The following ZYG11A variants were observed in gnomAD, a reference collection of about 807,000 sequenced individuals.
ZYG11A encodes protein zyg-11 homolog A.
In ZYG11A, 62 loss-of-function variants were observed where a neutral mutation model predicts 77.2. The observed-to-expected ratio is 0.80, with a 90% CI of 0.65 to 0.99. The LOEUF (loss-of-function observed/expected upper bound fraction) is 0.99. Ranked by LOEUF, ZYG11A falls within the 50% of genes least tolerant of loss-of-function variation. The pLI is 0.00. For synonymous variants in ZYG11A, 315 were observed against 324.6 expected, an observed-to-expected ratio of 0.97 and a Z score of 0.32; for missense variants, 828 against 896.8, an observed-to-expected ratio of 0.92 and a Z score of 0.98.
At chr1:52,873,882 G>A (rs1301207475) in intron 8 of ZYG11A, among the ~76,000 whole-genome samples, 1 of 151,996 alleles carries the variant, frequency 6.6e-6, no homozygotes, top group Non-Finnish European at 1.5e-5. Context: ...TACTCGGGAG[G>A]CTGAGGCAGG....
In ZYG11A at chr1:52,864,062, C is replaced by T. The variant is rs539401032; in HGVS notation, c.1231C>T (p.Arg411Cys). The T allele has an allele frequency of 2.1e-5, 33 of 1,551,870 alleles. No homozygotes were observed. The East Asian group carries it at 3.4e-4, about 16-fold the overall frequency. Residue 411 changes from arginine (R) to cysteine (C), a missense_variant, in exon 5 of 14, where the codon CGC (arginine) becomes TGC (cysteine). Coordinates refer to ENST00000371528, the MANE Select transcript of ZYG11A (RefSeq NM_001004339.3). Reference protein sequence around the residue: ...TASACALNLTRQGLAKGMPVR... With the variant: ...TASACALNLTCQGLAKGMPVR... ...CAGTGCTTGCGCTCTCAACCTAACA[C>T]GCCAGGGCCTGGCCAAGGGGATGCC...
At chr1:52,863,869 G>C in intron 4 of ZYG11A, 112 bp from the exon 5 acceptor site, 1 of 969,936 alleles carries the variant, frequency 1.0e-6, no homozygotes. Context: ...TTAGGATAGG[G>C]AAAATCTGTT....
intron 4 of ZYG11A, 106 bp downstream of exon 4, chr1:52,860,977 T>G: frequency 1.8e-6 from 2 of 1,113,364 alleles, no homozygotes; most frequent in Non-Finnish European, 2.5e-6. Context: ...TATTCTATAG[T>G]GAGTCAAGTG....
At chr1:52,855,120 C>T (rs923904554) in intron 2 of ZYG11A, among the ~76,000 whole-genome samples, 2 of 151,906 alleles carry the variant, frequency 1.3e-5, no homozygotes, top group South Asian at 4.2e-4. Flanking sequence ...CCTTGGCTTC[C>T]CAAAGTGCTG....
chr1:52,845,467 T>C (rs1264428284), intron 1 of ZYG11A, among the ~76,000 whole-genome samples: 4 of 151,628 alleles, frequency 2.6e-5, no homozygotes, highest in African/African-American at 9.7e-5. Context: ...CACCATTTCC[T>C]GGCTAATTTT....
intron 8 of ZYG11A, among the ~76,000 whole-genome samples, chr1:52,871,810 G>GA (rs780293954): frequency 1.3e-5 from 2 of 152,128 alleles, no homozygotes; most frequent in African/African-American, 4.8e-5. Context: ...TGTTTCTGAG[G>GA]AAAAAAACCC....
At chr1:52,875,954 G>A (rs1487088347) in intron 8 of ZYG11A, among the ~76,000 whole-genome samples, 3 of 150,932 alleles carry the variant, frequency 2.0e-5, no homozygotes, top group Non-Finnish European at 2.9e-5. Context: ...CTCTGTATGT[G>A]CAGAAATTGA....
chr1:52,849,950 C>T (rs1645676592), intron 1 of ZYG11A, among the ~76,000 whole-genome samples: 2 of 152,148 alleles, frequency 1.3e-5, no homozygotes, highest in Non-Finnish European at 2.9e-5. Context: ...TCCTAAAGTG[C>T]TGGGATTACA....
At chr1:52,891,342 CTTA>C (rs1646539663) in intron 13 of ZYG11A, among the ~76,000 whole-genome samples, 1 of 149,534 alleles carries the variant, frequency 6.7e-6, no homozygotes, top group Non-Finnish European at 1.5e-5. Context: ...TTTATCTGAT[CTTA>C]TTATGTGTGT....
chr1:52,870,167 C>G (rs1203540303), intron 8 of ZYG11A, among the ~76,000 whole-genome samples: 4 of 124,514 alleles, frequency 3.2e-5, no homozygotes, highest in South Asian at 3.0e-4. Context: ...CAGAGACGCT[C>G]TTCACTTCCT....
chr1:52,880,075 T>TC (rs1195415779), intron 10 of ZYG11A, among the ~76,000 whole-genome samples: 1 of 149,404 alleles, frequency 6.7e-6, no homozygotes, highest in East Asian at 1.9e-4. Flanking sequence ...ACTTTTTTTT[T>TC]TTTTTTTTTT....
chr1:52,874,667 G>T (rs1646230869), intron 8 of ZYG11A, among the ~76,000 whole-genome samples: 1 of 152,090 alleles, frequency 6.6e-6, no homozygotes, highest in South Asian at 2.1e-4. Context: ...AGGAGTTTGA[G>T]ACCAGCCTGG....
intron 4 of ZYG11A, among the ~76,000 whole-genome samples, chr1:52,862,514 G>A (rs570156565): frequency 2.2e-4 from 34 of 151,548 alleles, no homozygotes; most frequent in Non-Finnish European, 4.0e-4. Flanking sequence ...GGGTTTCACC[G>A]TGTTAGCCAG....
intron 5 of ZYG11A, among the ~76,000 whole-genome samples, chr1:52,865,249 C>T (rs957417198): frequency 1.3e-5 from 2 of 151,930 alleles, no homozygotes; most frequent in African/African-American, 4.8e-5. Context: ...CTCCCTCCCC[C>T]ACAACACACA....
At position 52,867,582 on chromosome 1, in the gene ZYG11A, GA is replaced by G; in HGVS notation, c.1439del (p.Asn480ThrfsTer9). 6.4e-7 allele frequency: 1 copy of G among 1,552,330 alleles called. No individual in the cohort carries two copies. The highest frequency in any genetic ancestry group is 8.7e-7 in the Non-Finnish European group (1 of 1,147,130). On this transcript the variant is annotated frameshift_variant, in exon 7 of 14. Coordinates refer to ENST00000371528, the MANE Select transcript of ZYG11A (RefSeq NM_001004339.3). LOFTEE classifies it high-confidence loss of function. ...KFVMRWLCKH[E>X]NPKMQTMAVS... Reference sequence around the variant, plus strand: ...TGTCATGAGATGGCTCTGTAAGCATGAAAACCCCAAGATGCAAACAATGGCA... The same window carrying G: ...TGTCATGAGATGGCTCTGTAAGCATGAAACCCCAAGATGCAAACAATGGCA...
At chr1:52,872,831 C>T (rs547331549) in intron 8 of ZYG11A, among the ~76,000 whole-genome samples, 15 of 135,690 alleles carry the variant, frequency 1.1e-4, no homozygotes, top group South Asian at 2.3e-4. Flanking sequence ...TGCAGTGAGC[C>T]GAGATCAAGC....
intron 11 of ZYG11A, among the ~76,000 whole-genome samples, chr1:52,885,011 C>T (rs506527): frequency 0.5 from 76,518 of 151,852 alleles, 20,507 homozygotes; most frequent in Non-Finnish European, 0.61. Context: ...TGGCTTCAAG[C>T]GATTCTCCTG....
Position 52,867,586 on chromosome 1 carries a change from A to G in ZYG11A, c.1439A>G (p.Asn480Ser), listed in dbSNP as rs948969546. Residue 480 changes from asparagine to serine, a missense_variant, in exon 7 of 14, where the codon AAC becomes AGC. Physicochemically the swap from Asn to Ser is conservative, Grantham distance 46. Coordinates refer to ENST00000371528, the MANE Select transcript of ZYG11A (RefSeq NM_001004339.3). ...ATGAGATGGCTCTGTAAGCATGAAA[A>G]CCCCAAGATGCAAACAATGGCAGTG... ...FVMRWLCKHENPKMQTMAVSV... is the reference protein window; with the variant it reads ...FVMRWLCKHESPKMQTMAVSV... The G allele has an allele frequency of 5.5e-5, 86 of 1,551,844 alleles. No individual in the cohort carries two copies. Among genetic ancestry groups the G allele is most frequent in the Non-Finnish European group, 7.1e-5 (81 of 1,147,074 alleles).
In ZYG11A at chr1:52,870,305, C is replaced by T. The variant is rs537266792; in HGVS notation, c.1542+2528C>T. On this transcript the variant is annotated intron_variant, in intron 8 of 13. Transcript: ENST00000371528. ...GGCTCCTCACATCCCAGACAATGGG[C>T]GGCCAGGCAGAGACGCTTCTCACTT... Among the ~76,000 whole-genome samples the T allele has an allele frequency of 7.9e-5, 12 of 151,404 alleles. No individual in the cohort carries two copies. In the South Asian group the frequency reaches 2.1e-3, roughly 27 times the overall value.
Sources: allele counts gnomAD v4.1 joint callset (sites outside exome capture counted in the v4.1 genomes callset), GRCh38; gene constraint gnomAD v4.1.1; transcripts MANE v1.5; gene names NCBI Gene and HGNC (gene_info 2026-07-23, HGNC 2026-07-21).